The following TUSC3 variants were observed in gnomAD, a reference collection of about 807,000 sequenced individuals.
The protein encoded by TUSC3 is dolichyl-diphosphooligosaccharide--protein glycosyltransferase subunit TUSC3.
TUSC3 carries 45 observed loss-of-function variants against 44.8 expected under a neutral mutation model. The ratio of observed to expected loss-of-function variants is 1.00; its 90% confidence interval spans 0.79 to 1.29. The LOEUF (loss-of-function observed/expected upper bound fraction) is 1.29, where lower values mean the gene tolerates loss of function less well. TUSC3 is among the 50% of genes most tolerant of loss of function. The pLI is 0.00. For missense variants in TUSC3, 519 were observed against 437.9 expected (o/e 1.19, Z -1.65); for synonymous variants, 212 against 152.9 (o/e 1.39, Z -2.85).
intron 2 of TUSC3, among the ~76,000 whole-genome samples, chr8:15,525,757 T>C (rs2129130160): frequency 6.6e-6 from 1 of 152,110 alleles, no homozygotes; most frequent in East Asian, 1.9e-4. Context: ...ATGTTAGCAA[T>C]GTAGAATGGA....
chr8:15,718,585 T>G (rs75516382), intron 6 of TUSC3, among the ~76,000 whole-genome samples: 1 of 152,238 alleles, frequency 6.6e-6, no homozygotes, highest in East Asian at 1.9e-4. Flanking sequence ...GATACACATC[T>G]TCTAAAGGAG....
the TUSC3 span, among the ~76,000 whole-genome samples, chr8:15,823,223 G>A: frequency 5.3e-5 from 8 of 152,102 alleles, no homozygotes; most frequent in African/African-American, 9.7e-5. Context: ...TTTCCGGAGC[G>A]CTACCCAAAA....
intron 2 of TUSC3, among the ~76,000 whole-genome samples, chr8:15,628,417 ACTTTTTTCATTTAT>A (rs1372183193): frequency 6.6e-6 from 1 of 152,100 alleles, no homozygotes; most frequent in Non-Finnish European, 1.5e-5. Flanking sequence ...GCCTATAACA[ACTTTTTTCATTTAT>A]TTGCTTTTTA....
In TUSC3 at chr8:15,659,618, A is replaced by T; in HGVS notation, c.538A>T (p.Lys180Ter). 1 of 1,613,348 alleles carries T rather than the reference A, an allele frequency of 6.2e-7. No individual in the cohort carries two copies. The highest frequency in any genetic ancestry group is 8.5e-7 in the Non-Finnish European group (1 of 1,179,648). ...TGGATTTGCAGCTGAGCAACTAGCA[A>T]AGTGGATTGCTGACAGAACGGATGT... Reference protein sequence around the residue: ...RIGFAAEQLAKWIADRTDVHI... With the variant: ...RIGFAAEQLA The change falls in exon 4 of 11, where the codon AAG becomes TAG. Residue 180 changes from lysine (K) to a stop codon, truncating the protein, a stop_gained. Transcript: ENST00000503731. LOFTEE classifies it high-confidence loss of function.
chr8:15,698,949 C>T (rs1809283852), intron 6 of TUSC3, among the ~76,000 whole-genome samples: 1 of 151,668 alleles, frequency 6.6e-6, no homozygotes, highest in Non-Finnish European at 1.5e-5. Flanking sequence ...TAGGCTCAAG[C>T]CATCCTCCCA....
At chr8:15,537,678 A>C (rs1801543997), upstream of TUSC3, among the ~76,000 whole-genome samples, 1 of 152,184 alleles carries the variant, frequency 6.6e-6, no homozygotes, top group Non-Finnish European at 1.5e-5. Context: ...AACTGAATAT[A>C]AAGGCAGCAT....
chr8:15,828,867 G>C, the TUSC3 span, among the ~76,000 whole-genome samples: 1 of 151,942 alleles, frequency 6.6e-6, no homozygotes, highest in African/African-American at 2.4e-5. Context: ...CATTTGTTTC[G>C]TCACTGGAGG....
intron 1 of TUSC3, among the ~76,000 whole-genome samples, chr8:15,586,315 G>A (rs766295729): frequency 3.3e-5 from 5 of 152,102 alleles, no homozygotes; most frequent in African/African-American, 4.8e-5. Context: ...GAAAAACACC[G>A]TTGTAGTGGG....
At chr8:15,593,284 C>T (rs1054415561) in intron 1 of TUSC3, among the ~76,000 whole-genome samples, 1 of 151,960 alleles carries the variant, frequency 6.6e-6, no homozygotes, top group African/African-American at 2.4e-5. Context: ...CAGGGTTTCA[C>T]CATGTTTACC....
At chr8:15,524,803 CA>C (rs1455422065) in intron 2 of TUSC3, among the ~76,000 whole-genome samples, 2 of 140,552 alleles carry the variant, frequency 1.4e-5, no homozygotes, top group Non-Finnish European at 3.2e-5. Context: ...TGTGATATTA[CA>C]ACAGATTAAA....
chr8:15,623,273 T>C, intron 2 of TUSC3, 24 bp downstream of exon 2: 7 of 1,552,788 alleles, frequency 4.5e-6, no homozygotes, highest in Non-Finnish European at 6.1e-6. Flanking sequence ...TTAAAAAATA[T>C]TAAAAACTAT....
In TUSC3 at chr8:15,593,129, A is replaced by G. The variant is rs145435030; in HGVS notation, c.139-29951A>G. 5.1e-3 allele frequency among the ~76,000 whole-genome samples: 779 copies of G among 152,264 alleles called. 5 individuals are homozygous for G. Among genetic ancestry groups the G allele is most frequent in the African/African-American group, 0.018 (730 of 41,558 alleles). On this transcript the variant is annotated intron_variant, in intron 1 of 10. Transcript: ENST00000503731. The stretch of plus-strand genomic sequence containing the variant: ...GAGACGGAGTCTCACTCTGTTGCCC[A>G]GGGTGGAGTGCAGTGGTGTGATCTT...
upstream of TUSC3, among the ~76,000 whole-genome samples, chr8:15,537,237 C>T (rs866029888): frequency 3.3e-5 from 5 of 152,152 alleles, no homozygotes; most frequent in Non-Finnish European, 4.4e-5. Flanking sequence ...TTCCACTGAT[C>T]CCAGGTTTTC....
the TUSC3 span, among the ~76,000 whole-genome samples, chr8:15,822,105 C>A: frequency 1.3e-5 from 2 of 151,938 alleles, no homozygotes; most frequent in African/African-American, 2.4e-5. Flanking sequence ...AGTGAGATAC[C>A]AATATAATGC....
chr8:15,472,482 T>A (rs1800507543), intron 1 of TUSC3, among the ~76,000 whole-genome samples: 1 of 152,234 alleles, frequency 6.6e-6, no homozygotes, highest in African/African-American at 2.4e-5. Context: ...GGCCGTTTCT[T>A]CCATTAGAGG....
intron 1 of TUSC3, among the ~76,000 whole-genome samples, chr8:15,426,337 A>T (rs73189456): frequency 6.6e-6 from 1 of 152,156 alleles, no homozygotes; most frequent in Non-Finnish European, 1.5e-5. Context: ...TACGTTAGAC[A>T]GCTGATTTCT....
intron 2 of TUSC3, among the ~76,000 whole-genome samples, chr8:15,489,458 C>T (rs1413428660): frequency 6.6e-6 from 1 of 152,154 alleles, no homozygotes; most frequent in African/African-American, 2.4e-5. Flanking sequence ...GGACTCTCAG[C>T]TAATCTCTTC....
At chr8:15,475,052 T>C (rs1426742081) in intron 1 of TUSC3, among the ~76,000 whole-genome samples, 1 of 152,186 alleles carries the variant, frequency 6.6e-6, no homozygotes, top group Non-Finnish European at 1.5e-5. Flanking sequence ...ATAATTCAAC[T>C]ACAATATTTA....
intron 2 of TUSC3, among the ~76,000 whole-genome samples, chr8:15,521,755 C>G (rs1801303182): frequency 6.6e-6 from 1 of 152,164 alleles, no homozygotes; most frequent in Non-Finnish European, 1.5e-5. Context: ...TGAAATGTGT[C>G]TCAGAACTGA....
Sources: gnomAD v4.1 joint callset for allele counts (sites outside exome capture counted in the v4.1 genomes callset) on GRCh38, gnomAD v4.1.1 for gene constraint, MANE v1.5 for transcripts, NCBI Gene and HGNC (gene_info 2026-07-23, HGNC 2026-07-21) for gene names.